ST8SIA6: variants seen among roughly 807,000 people sequenced by gnomAD.
ST8SIA6 encodes the protein alpha-2,8-sialyltransferase 8F.
In ST8SIA6, 39 loss-of-function variants were observed where a neutral mutation model predicts 33.6. The ratio of observed to expected loss-of-function variants is 1.16; its 90% CI spans 0.90 to 1.52. The LOEUF (loss-of-function observed/expected upper bound fraction) is 1.52, where lower values mean the gene tolerates loss of function less well. Among genes scored for constraint, ST8SIA6 ranks in the 40% most tolerant of loss-of-function variants. The pLI is 0.00. For synonymous variants in ST8SIA6, 172 were observed against 167.2 expected (o/e 1.03, Z -0.22); for missense variants, 441 against 443.8 (o/e 0.99, Z 0.06).
At chr10:17,326,950 C>G in intron 6 of ST8SIA6, 64 bp downstream of exon 6, 3 of 1,131,798 alleles carry the variant, frequency 2.7e-6, no homozygotes, top group Non-Finnish European at 3.8e-6. Context: ...TATCTTTACA[C>G]TATCCCCCTC....
At chr10:17,366,403 A>C in intron 3 of ST8SIA6, among the ~76,000 whole-genome samples, 1 of 152,036 alleles carries the variant, frequency 6.6e-6, no homozygotes, top group South Asian at 2.1e-4. Context: ...AAATCTCCAA[A>C]GTGCTGTACT....
intron 5 of ST8SIA6, among the ~76,000 whole-genome samples, chr10:17,330,122 G>A (rs1334198555): frequency 6.6e-6 from 1 of 152,150 alleles, no homozygotes; most frequent in Non-Finnish European, 1.5e-5. Flanking sequence ...ATTGACTGCA[G>A]AATTTCCTCT....
intron 4 of ST8SIA6, among the ~76,000 whole-genome samples, chr10:17,341,900 C>CAAAAAAAAAAAAAAAAAAAAAAA (rs71393004): frequency 1.4e-5 from 1 of 73,164 alleles, no homozygotes. Flanking sequence ...GGCTCCATCT[C>CAAAAAAAAAAAAAAAAAAAAAAA]AAAAAAAAAA....
intron 2 of ST8SIA6, among the ~76,000 whole-genome samples, chr10:17,451,191 G>T (rs74117682): frequency 0.016 from 2,367 of 152,150 alleles, 63 homozygotes; most frequent in African/African-American, 0.054. Context: ...CCTCAGTAGA[G>T]GACTGGATAA....
At chr10:17,322,171 G>T (rs1847975457) in intron 7 of ST8SIA6, among the ~76,000 whole-genome samples, 1 of 148,520 alleles carries the variant, frequency 6.7e-6, no homozygotes, top group African/African-American at 2.5e-5. Context: ...GAGAAAGACG[G>T]AAGAAAGAAG....
At chr10:17,447,139 C>A (rs533187788) in intron 2 of ST8SIA6, among the ~76,000 whole-genome samples, 31 of 151,998 alleles carry the variant, frequency 2.0e-4, no homozygotes, top group African/African-American at 6.8e-4. Flanking sequence ...GCCTGTAATC[C>A]CAGCACTTTC....
intron 6 of ST8SIA6, among the ~76,000 whole-genome samples, chr10:17,323,431 C>CTGT (rs904591979): frequency 1.6e-5 from 2 of 126,270 alleles, no homozygotes; most frequent in African/African-American, 6.0e-5. Flanking sequence ...GAGTCTCGCT[C>CTGT]TGTTGCCTAG....
At chr10:17,404,171 T>G (rs1851161865) in intron 2 of ST8SIA6, among the ~76,000 whole-genome samples, 1 of 151,966 alleles carries the variant, frequency 6.6e-6, no homozygotes, top group African/African-American at 2.4e-5. Context: ...ATGTGTCATC[T>G]CATTTCATTT....
intron 3 of ST8SIA6, among the ~76,000 whole-genome samples, chr10:17,366,812 C>T (rs1195568564): frequency 2.0e-5 from 3 of 152,120 alleles, no homozygotes; most frequent in African/African-American, 7.2e-5. Flanking sequence ...ATCCCCCAAA[C>T]TGTCTCTCTT....
At chr10:17,323,198 T>C in intron 6 of ST8SIA6, 41 bp from the exon 7 acceptor site, 2 of 1,550,334 alleles carry the variant, frequency 1.3e-6, no homozygotes, top group Non-Finnish European at 1.8e-6. Flanking sequence ...ATAGAACTTG[T>C]AGAAAAAAGA....
At chr10:17,327,464 G>A (rs982791301) in intron 5 of ST8SIA6, among the ~76,000 whole-genome samples, 2 of 152,138 alleles carry the variant, frequency 1.3e-5, no homozygotes, top group Non-Finnish European at 2.9e-5. Context: ...GTGGGTGCCT[G>A]TAATCCGAGC....
At chr10:17,374,591 C>T (rs566325193) in intron 3 of ST8SIA6, among the ~76,000 whole-genome samples, 9 of 151,600 alleles carry the variant, frequency 5.9e-5, no homozygotes, top group Middle Eastern at 6.8e-3. Context: ...GGCATGGTGG[C>T]GGGCACCAGC....
intron 2 of ST8SIA6, among the ~76,000 whole-genome samples, chr10:17,425,464 G>A (rs1013099248): frequency 1.3e-5 from 2 of 152,126 alleles, no homozygotes; most frequent in Non-Finnish European, 2.9e-5. Flanking sequence ...CTACTTGAGA[G>A]GCTGAGGTGG....
intron 3 of ST8SIA6, among the ~76,000 whole-genome samples, chr10:17,360,364 T>C (rs1849341107): frequency 6.6e-6 from 1 of 152,134 alleles, no homozygotes; most frequent in South Asian, 2.1e-4. Flanking sequence ...AGAATATATG[T>C]TGAAGACATA....
chr10:17,388,702 A>G (rs1290315675), intron 3 of ST8SIA6, among the ~76,000 whole-genome samples: 2 of 152,204 alleles, frequency 1.3e-5, no homozygotes, highest in East Asian at 1.9e-4. Flanking sequence ...AACTGACTAC[A>G]TCTTGCTTCT....
At chr10:17,341,921 A>C (rs1848691081) in intron 4 of ST8SIA6, among the ~76,000 whole-genome samples, 2 of 143,386 alleles carry the variant, frequency 1.4e-5, no homozygotes, top group South Asian at 4.3e-4. Context: ...AAAAAAAAAA[A>C]CAAAAAGAAA....
intron 2 of ST8SIA6, among the ~76,000 whole-genome samples, chr10:17,447,036 A>G (rs558801506): frequency 2.0e-5 from 3 of 151,716 alleles, no homozygotes; most frequent in East Asian, 1.9e-4. Context: ...AAAAAAAAAA[A>G]AAAAAGAAAA....
chr10:17,409,618 T>C (rs1851382591), intron 2 of ST8SIA6: 1 of 151,306 alleles, frequency 6.6e-6, no homozygotes, highest in Non-Finnish European at 1.5e-5. Flanking sequence ...TAAGCTGTGG[T>C]TGTACCAGTG....
At chr10:17,383,962 CTATT>C (rs1423208301) in intron 3 of ST8SIA6, among the ~76,000 whole-genome samples, 2 of 152,154 alleles carry the variant, frequency 1.3e-5, no homozygotes, top group Non-Finnish European at 2.9e-5. Context: ...AATTTGGAAA[CTATT>C]TGTGTATATT....
Sources: allele counts gnomAD v4.1 joint callset (sites outside exome capture counted in the v4.1 genomes callset), GRCh38; gene constraint gnomAD v4.1.1; transcripts MANE v1.5; gene names NCBI Gene and HGNC (gene_info 2026-07-23, HGNC 2026-07-21).